Variants in DNAH12 observed in about 807,000 individuals in gnomAD.
DNAH12 encodes the protein dynein axonemal heavy chain 12.
In DNAH12, 285 loss-of-function variants were observed where a neutral mutation model predicts 371.5. The observed-to-expected ratio is 0.77, with a 90% CI of 0.70 to 0.85. The LOEUF is 0.85. Ranked by LOEUF, DNAH12 falls within the 40% of genes least tolerant of loss-of-function variation. The pLI is 0.00. For synonymous variants in DNAH12, 1,200 were observed against 1,213.0 expected (o/e 0.99, Z 0.22); for missense variants, 3,611 against 3,689.4 (o/e 0.98, Z 0.55).
At chr3:57,318,015 C>A (rs140187034) in intron 65 of DNAH12, among the ~76,000 whole-genome samples, 72 of 152,000 alleles carry the variant, frequency 4.7e-4, no homozygotes, top group Non-Finnish European at 2.7e-4. Flanking sequence ...TCTGGTTATT[C>A]TTTGTTTTCT....
intron 43 of DNAH12, among the ~76,000 whole-genome samples, chr3:57,400,507 T>C (rs2063835262): frequency 1.3e-5 from 2 of 152,214 alleles, no homozygotes; most frequent in Admixed American, 6.5e-5. Flanking sequence ...AAACAACAGA[T>C]AGTACTGAAT....
At chr3:57,479,648 C>G (rs993713174) in intron 13 of DNAH12, among the ~76,000 whole-genome samples, 130 of 152,200 alleles carry the variant, frequency 8.5e-4, no homozygotes, top group African/African-American at 2.9e-3. Context: ...GCACTTATTC[C>G]AAAATTGACC....
intron 58 of DNAH12, among the ~76,000 whole-genome samples, chr3:57,358,449 T>C (rs1378560110): frequency 6.6e-6 from 1 of 152,136 alleles, no homozygotes; most frequent in Non-Finnish European, 1.5e-5. Flanking sequence ...CCGTTCATCC[T>C]TGAGGTCTGG....
chr3:57,397,134 A>C (rs1331808253), intron 43 of DNAH12, among the ~76,000 whole-genome samples: 2 of 152,364 alleles, frequency 1.3e-5, no homozygotes, highest in Non-Finnish European at 2.9e-5. Context: ...CAAATTTTAC[A>C]AATGAAAAAT....
chr3:57,452,405 C>T (rs1183026135), intron 25 of DNAH12, among the ~76,000 whole-genome samples: 1 of 152,156 alleles, frequency 6.6e-6, no homozygotes, highest in African/African-American at 2.4e-5. Context: ...TCCTCCATAG[C>T]TTCAGCTCTG....
intron 69 of DNAH12, among the ~76,000 whole-genome samples, chr3:57,307,531 G>A (rs973623452): frequency 5.3e-5 from 8 of 152,118 alleles, no homozygotes; most frequent in East Asian, 1.9e-4. Context: ...TGCAGTGGCC[G>A]CCACCACCCT....
At position 57,504,211 on chromosome 3, in the gene DNAH12, G is replaced by A. The variant is rs2067665245; in HGVS notation, c.898-7C>T. Reference sequence around the variant, plus strand: ...TCCTTAATAGATCCTTTAGCTGCGTGATATAAATCACTGTTACTTTAGAGA... The same window carrying A: ...TCCTTAATAGATCCTTTAGCTGCGTAATATAAATCACTGTTACTTTAGAGA... On this transcript the variant is annotated splice_region_variant and splice_polypyrimidine_tract_variant and intron_variant, in intron 8 of 73. Transcript: ENST00000495027. 5 of 1,598,178 alleles carry A rather than the reference G, an allele frequency of 3.1e-6. No homozygotes were observed. The highest frequency in any genetic ancestry group is 2.6e-6 in the Non-Finnish European group (3 of 1,170,456).
chr3:57,440,380 T>C (rs1037654056), intron 29 of DNAH12, among the ~76,000 whole-genome samples: 15 of 152,260 alleles, frequency 9.9e-5, no homozygotes, highest in African/African-American at 3.4e-4. Flanking sequence ...TGCAGCAACA[T>C]GGATATAGCT....
intron 70 of DNAH12, among the ~76,000 whole-genome samples, chr3:57,301,384 C>T (rs975176767): frequency 6.8e-6 from 1 of 147,856 alleles, no homozygotes; most frequent in Non-Finnish European, 1.5e-5. Context: ...GGACCACAAA[C>T]TTAGAATCTT....
At position 57,293,865 on chromosome 3, in the gene DNAH12, GA is replaced by G; in HGVS notation, c.11798del (p.Val3933AlafsTer6). The stretch of plus-strand genomic sequence containing the variant: ...GGTCTGTTTTTAACAACATTGCAAT[GA>G]CAAAGTTAGTAGAATGTCCCGTAGT... ...LSTTGHSTNF[V>X]IAMLLKTDQP... On this transcript the variant is annotated frameshift_variant, in exon 74 of 74. Coordinates refer to ENST00000495027, the MANE Select transcript of DNAH12 (RefSeq NM_001366028.2). LOFTEE classifies it high-confidence loss of function. 6.5e-7 allele frequency: 1 copy of G among 1,549,134 alleles called. No individual in the cohort carries two copies. The highest frequency in any genetic ancestry group is 1.2e-5 in the South Asian group (1 of 83,738).
At chr3:57,327,077 A>C (rs531246193) in intron 62 of DNAH12, among the ~76,000 whole-genome samples, 1 of 151,444 alleles carries the variant, frequency 6.6e-6, no homozygotes, top group Non-Finnish European at 1.5e-5. Context: ...TGAGTGACCT[A>C]CAAAGAGACT....
chr3:57,326,799 T>A (rs1259930568), intron 62 of DNAH12, among the ~76,000 whole-genome samples: 1 of 152,190 alleles, frequency 6.6e-6, no homozygotes, highest in African/African-American at 2.4e-5. Context: ...ATCAGTGTGT[T>A]GTATTCAGGA....
intron 17 of DNAH12, among the ~76,000 whole-genome samples, chr3:57,466,957 G>A (rs1459158238): frequency 2.6e-5 from 4 of 151,884 alleles, no homozygotes; most frequent in African/African-American, 9.7e-5. Context: ...GTCTCACTAT[G>A]TCACCCAGGC....
At chr3:57,371,941 C>CAAAAAAAAAAAAAAAAAAAAAA (rs1169602185) in intron 55 of DNAH12, among the ~76,000 whole-genome samples, 4 of 25,862 alleles carry the variant, frequency 1.5e-4, no homozygotes, top group African/African-American at 6.7e-4. Flanking sequence ...CTAAACTCAG[C>CAAAAAAAAAAAAAAAAAAAAAA]AAAAAAAAAA....
intron 14 of DNAH12, 67 bp downstream of exon 14, chr3:57,472,479 A>G: frequency 6.6e-7 from 1 of 1,510,164 alleles, no homozygotes; most frequent in Non-Finnish European, 8.9e-7. Context: ...GGAGATATGA[A>G]AATTAAATGT....
rs2064462263 is a variant in DNAH12, at chr3:57,418,548, AAAC to A, written c.5714+816_5714+818del. On this transcript the variant is annotated intron_variant, in intron 37 of 73. Transcript: ENST00000495027. ...GAGTGAGACCCTGTCTCAAAAAAAAAAACAAAAAACTGCTATACTAGAAATGTC... is the reference window on the plus strand; with the variant it reads ...GAGTGAGACCCTGTCTCAAAAAAAAAAAAAAACTGCTATACTAGAAATGTC... Among the ~76,000 whole-genome samples the A allele has an allele frequency of 2.0e-5, 3 of 151,134 alleles. 1 individual carries two copies. The highest frequency in any genetic ancestry group is 3.0e-5 in the Non-Finnish European group (2 of 67,782).
intron 50 of DNAH12, 85 bp from the exon 51 acceptor site, chr3:57,380,452 A>G (rs1015362199): frequency 2.0e-5 from 3 of 152,186 alleles, no homozygotes; most frequent in Non-Finnish European, 4.4e-5. Context: ...TTTAAGAGGC[A>G]TTATCCAGAG....
At chr3:57,487,011 AACCAGCAAGG>A (rs1203184380) in intron 12 of DNAH12, among the ~76,000 whole-genome samples, 1 of 152,158 alleles carries the variant, frequency 6.6e-6, no homozygotes, top group Non-Finnish European at 1.5e-5. Context: ...CAGGAAGAAA[AACCAGCAAGG>A]ACAACGGCCA....
At chr3:57,298,785 C>G (rs1348370103) in intron 70 of DNAH12, among the ~76,000 whole-genome samples, 1 of 152,172 alleles carries the variant, frequency 6.6e-6, no homozygotes, top group Non-Finnish European at 1.5e-5. Context: ...ACATGTTGGT[C>G]TCTTATGGAA....
Sources: allele counts gnomAD v4.1 joint callset (sites outside exome capture counted in the v4.1 genomes callset), GRCh38; gene constraint gnomAD v4.1.1; transcripts MANE v1.5; gene names NCBI Gene and HGNC (gene_info 2026-07-23, HGNC 2026-07-21).